Variants in FCGR2B observed in about 807,000 individuals in gnomAD.
FCGR2B encodes low affinity immunoglobulin gamma Fc region receptor II-b.
Under a neutral mutation model 24.8 loss-of-function variants are expected in FCGR2B, and 18 were observed. The observed-to-expected ratio is 0.73, with a 90% confidence interval of 0.50 to 1.08. The LOEUF is 1.08. Ranked by LOEUF, FCGR2B falls within the 50% of genes least tolerant of loss-of-function variation. FCGR2B has a pLI of 0.00. For synonymous variants in FCGR2B, 79 were observed against 109.8 expected (o/e 0.72, Z 1.75); for missense variants, 215 against 297.6 (o/e 0.72, Z 2.04).
chr1:161,647,297 C>CTT, the FCGR2B span, among the ~76,000 whole-genome samples: 48 of 122,542 alleles, frequency 3.9e-4, no homozygotes, highest in African/African-American at 4.2e-4. Flanking sequence ...GCTCTGGACT[C>CTT]TTTTTTTTTT....
rs1356490697 is a variant in FCGR2B at position 161,671,478 on chromosome 1, A to C, written c.220A>C (p.Thr74Pro). The stretch of plus-strand genomic sequence containing the variant: ...CTCTGTGACTCTGACATGCCGGGGG[A>C]CTCACAGCCCTGAGAGCGACTCCAT... ...EDSVTLTCRGTHSPESDSIQW... is the reference protein window; with the variant it reads ...EDSVTLTCRGPHSPESDSIQW... The change falls in exon 3 of 8, where the codon ACT (threonine) becomes CCT (proline). Residue 74 changes from threonine to proline, a missense_variant. Thr to Pro is a conservative substitution (Grantham distance 38, BLOSUM62 -1). Coordinates refer to ENST00000358671, the MANE Select transcript of FCGR2B (RefSeq NM_001394477.1). The C allele has an allele frequency of 9.9e-6, 16 of 1,613,826 alleles. No individual in the cohort carries two copies. The highest frequency in any genetic ancestry group is 1.3e-5 in the Non-Finnish European group (15 of 1,180,010).
At chr1:161,674,316 C>T in intron 5 of FCGR2B, 2 of 234,164 alleles carry the variant, frequency 8.5e-6, no homozygotes, top group South Asian at 1.1e-4. Flanking sequence ...AGTCCCTGCC[C>T]TTGGGGAGTT....
chr1:161,668,630 A>G lies in FCGR2B; in HGVS notation c.113-1622A>G, dbSNP rs1317922907. Among the ~76,000 whole-genome samples, 382 of 63,490 alleles carry G rather than the reference A, an allele frequency of 6.0e-3. 1 individual carries two copies. Among genetic ancestry groups the G allele is most frequent in the African/African-American group, 0.021 (354 of 16,566 alleles). The allele number at this position is 63,490 out of a possible 152,430, so 41.7% of individuals were successfully genotyped here. On this transcript the variant is annotated intron_variant, in intron 1 of 7. Transcript: ENST00000358671. Reference sequence around the variant, plus strand: ...TTGCCTTCAGTGGAAGTAGGGACTTAACGTTCTTTTCCCTTAGGTGAACTC... The same window carrying G: ...TTGCCTTCAGTGGAAGTAGGGACTTGACGTTCTTTTCCCTTAGGTGAACTC...
chr1:161,675,237 C>T lies in FCGR2B; in HGVS notation c.761-20C>T, dbSNP rs755644538. On this transcript the variant is annotated intron_variant, in intron 5 of 7. Transcript: ENST00000358671. ...GGCCCCACCGCCTAATCCTACTAAC[C>T]TCCTGTGTGCCCCTCCCAGCTCTCC... 15 of 1,597,514 alleles carry T rather than the reference C, an allele frequency of 9.4e-6. No homozygotes were observed. The highest frequency in any genetic ancestry group is 1.1e-5 in the South Asian group (1 of 89,058).
the FCGR2B span, among the ~76,000 whole-genome samples, chr1:161,654,306 G>A: frequency 1.5e-5 from 2 of 131,980 alleles, no homozygotes; most frequent in African/African-American, 2.5e-5. Flanking sequence ...TAGAAGACCT[G>A]TAATCATCTA....
rs557735070 is a variant in FCGR2B, at chr1:161,678,548, T to C, written c.*995T>C. On this transcript the variant is annotated 3_prime_UTR_variant, in exon 8 of 8. Coordinates refer to ENST00000358671, the MANE Select transcript of FCGR2B (RefSeq NM_001394477.1). The stretch of plus-strand genomic sequence containing the variant: ...GCATTTCTCAAAATGTATCCCCATA[T>C]TTCAACAATGCATGACTGTACTCTT... 4.7e-6 allele frequency: 1 copy of C among 214,536 alleles called. No homozygotes were observed. The highest frequency in any genetic ancestry group is 5.8e-5 in the Admixed American group (1 of 17,220). 13.3% of individuals were successfully genotyped at this position (214,536 alleles called of 1,614,324 possible).
rs1013371019 is a variant in FCGR2B, at chr1:161,678,471, C to A, written c.*918C>A. The A allele has an allele frequency of 1.4e-5, 3 of 218,038 alleles. No homozygotes were observed. The highest frequency in any genetic ancestry group is 2.8e-5 in the Non-Finnish European group (3 of 108,570). 13.5% of individuals were successfully genotyped at this position (218,038 alleles called of 1,614,324 possible). A position where few individuals can be genotyped will look rare whatever the true frequency, so the allele number is the denominator to read the frequency against. On this transcript the variant is annotated 3_prime_UTR_variant, in exon 8 of 8. Coordinates refer to ENST00000358671, the MANE Select transcript of FCGR2B (RefSeq NM_001394477.1). ...AGCCTAGGTGTGTAGTAGGCCACAC[C>A]ATTTAGGTTTGTATAAGTACCTGCT...
intron 3 of FCGR2B, chr1:161,672,030 G>A (rs1375407778): frequency 1.8e-5 from 5 of 271,042 alleles, no homozygotes; most frequent in Middle Eastern, 1.2e-3. Context: ...GGGCACTAAC[G>A]CCTCCCTCAG....
chr1:161,650,787 A>G, the FCGR2B span, among the ~76,000 whole-genome samples: 1 of 113,860 alleles, frequency 8.8e-6, no homozygotes, highest in Non-Finnish European at 1.8e-5. Context: ...ACTTTGTTTA[A>G]TTTTATCTTA....
intron 5 of FCGR2B, chr1:161,674,738 AG>A: frequency 6.3e-6 from 1 of 159,360 alleles, no homozygotes; most frequent in South Asian, 1.9e-4. Context: ...GTGGTGTGTG[AG>A]GGCAGCGCTT....
chr1:161,651,927 C>G, the FCGR2B span, among the ~76,000 whole-genome samples: 1 of 90,720 alleles, frequency 1.1e-5, no homozygotes, highest in African/African-American at 3.6e-5. Context: ...GAGCGAAACT[C>G]CATCTCAAAA....
Position 161,671,531 on chromosome 1 carries a change from T to C in FCGR2B, c.273T>C (p.Ile91=). ...SIQWFHNGNL[I]PTHTQPSYRF... is the part of the protein sequence containing the mutation. The stretch of plus-strand genomic sequence containing the variant: ...AGTGGTTCCACAATGGGAATCTCAT[T>C]CCCACCCACACGCAGCCCAGCTACA... Residue 91 remains isoleucine, a synonymous_variant, in exon 3 of 8, where the codon ATT becomes ATC. Coordinates refer to ENST00000358671, the MANE Select transcript of FCGR2B (RefSeq NM_001394477.1). 6.2e-7 allele frequency: 1 copy of C among 1,614,134 alleles called. No individual in the cohort carries two copies. Among genetic ancestry groups the C allele is most frequent in the Non-Finnish European group, 8.5e-7 (1 of 1,180,026 alleles).
chr1:161,648,184 A>G, the FCGR2B span, among the ~76,000 whole-genome samples: 1 of 148,986 alleles, frequency 6.7e-6, no homozygotes, highest in East Asian at 2.0e-4. Context: ...GGCACATAGC[A>G]TCCTGTGCCG....
intron 4 of FCGR2B, 68 bp downstream of exon 4, chr1:161,673,297 G>A (rs1351206509): frequency 3.1e-6 from 5 of 1,600,868 alleles, no homozygotes; most frequent in Non-Finnish European, 3.4e-6. Flanking sequence ...GGTCACATGG[G>A]CCTACATGGA....
chr1:161,649,420 T>C, the FCGR2B span, among the ~76,000 whole-genome samples: 1 of 150,986 alleles, frequency 6.6e-6, no homozygotes, highest in South Asian at 2.1e-4. Flanking sequence ...AGAATGGAAG[T>C]TCATTTCTCA....
intron 6 of FCGR2B, 60 bp downstream of exon 6, chr1:161,675,373 G>T: frequency 7.9e-7 from 1 of 1,263,020 alleles, no homozygotes; most frequent in Non-Finnish European, 1.1e-6. Context: ...GGCTGGACTG[G>T]AGCCAGGGAG....
In FCGR2B at chr1:161,671,358, C is replaced by G. The variant is rs141749158; in HGVS notation, c.134-34C>G. 9.6e-3 allele frequency: 15,545 copies of G among 1,612,728 alleles called. 8 individuals carry two copies. Among genetic ancestry groups the G allele is most frequent in the Middle Eastern group, 0.018 (111 of 6,050 alleles). ...GGCCTCTCAAGCTCCTGGGCTTCCT[C>G]TTCTTCATGCTACCTCCTCTCTCTG... is the stretch of plus-strand genomic sequence containing the variant. On this transcript the variant is annotated intron_variant, in intron 2 of 7. Transcript: ENST00000358671.
In FCGR2B at chr1:161,678,238, C is replaced by T. The variant is rs190526914; in HGVS notation, c.*685C>T. The T allele has an allele frequency of 4.4e-4, 97 of 220,020 alleles. No homozygotes were observed. The highest frequency in any genetic ancestry group is 1.9e-3 in the African/African-American group (84 of 44,630). 13.6% of individuals were successfully genotyped at this position (220,020 alleles called of 1,614,324 possible). On this transcript the variant is annotated 3_prime_UTR_variant, in exon 8 of 8. Coordinates refer to ENST00000358671, the MANE Select transcript of FCGR2B (RefSeq NM_001394477.1). Reference sequence around the variant, plus strand: ...CTTTTCTTAAAACTGAATACAGTCACGCACCACATAATGATGTTTAGTTCA... The same window carrying T: ...CTTTTCTTAAAACTGAATACAGTCATGCACCACATAATGATGTTTAGTTCA...
At chr1:161,675,681 A>C (rs1674761) in intron 6 of FCGR2B, 200,634 of 243,030 alleles carry the variant, frequency 0.83, 83,268 homozygotes, top group Admixed American at 0.86. Context: ...TGAGGCCAAT[A>C]GGACGTGGGA....
Sources: allele counts gnomAD v4.1 joint callset (sites outside exome capture counted in the v4.1 genomes callset), GRCh38; gene constraint gnomAD v4.1.1; transcripts MANE v1.5; gene names NCBI Gene and HGNC (gene_info 2026-07-23, HGNC 2026-07-21).